Variants in SH3RF3 observed in about 807,000 individuals in gnomAD.
The protein encoded by SH3RF3 is SH3 domain containing ring finger 3, also known as E3 ubiquitin-protein ligase SH3RF3.
Under a neutral mutation model 66.3 loss-of-function variants are expected in SH3RF3, and 29 were observed. The ratio of observed to expected loss-of-function variants is 0.44; its 90% CI spans 0.33 to 0.60. SH3RF3 has a LOEUF of 0.60. Ranked by LOEUF, SH3RF3 falls within the 20% of genes least tolerant of loss-of-function variation. SH3RF3 has a pLI of 0.04. For synonymous variants in SH3RF3, 583 were observed against 532.0 expected, an observed-to-expected ratio of 1.10 and a Z score of -1.32; for missense variants, 1,194 against 1,190.9, an observed-to-expected ratio of 1.00 and a Z score of -0.04.
At chr2:109,273,314 T>C (rs1364534741) in intron 1 of SH3RF3, among the ~76,000 whole-genome samples, 3 of 152,224 alleles carry the variant, frequency 2.0e-5, no homozygotes, top group Non-Finnish European at 4.4e-5. Flanking sequence ...GGCAGAGTCT[T>C]CCTGAGCTTG....
At chr2:109,455,863 C>G (rs1163751362) in intron 8 of SH3RF3, among the ~76,000 whole-genome samples, 9 of 152,218 alleles carry the variant, frequency 5.9e-5, no homozygotes, top group African/African-American at 2.2e-4. Flanking sequence ...TGGCTGCATG[C>G]TCCCACCAAC....
Position 109,296,085 on chromosome 2 carries a change from G to A in SH3RF3, c.574-51589G>A, listed in dbSNP as rs564880645. ...TCCCTTCCCTGCCCCAGCCAGGTTG[G>A]CCCCCCAGAAGGCTGCTGGGTCCAT... On this transcript the variant is annotated intron_variant, in intron 1 of 9. Transcript: ENST00000309415. Among the ~76,000 whole-genome samples, 11 of 152,110 alleles carry A rather than the reference G, an allele frequency of 7.2e-5. No individual in the cohort carries two copies. The East Asian group carries it at 2.1e-3, about 29-fold the overall frequency.
intron 5 of SH3RF3, among the ~76,000 whole-genome samples, chr2:109,423,861 C>T (rs1676957156): frequency 6.6e-6 from 1 of 152,192 alleles, no homozygotes; most frequent in Non-Finnish European, 1.5e-5. Flanking sequence ...CCCCTGCCGC[C>T]TGCACCTCTA....
intron 2 of SH3RF3, among the ~76,000 whole-genome samples, chr2:109,350,229 T>C (rs1682810552): frequency 6.6e-6 from 1 of 152,178 alleles, no homozygotes; most frequent in Admixed American, 6.5e-5. Context: ...AAGTGGGCAA[T>C]GTCACCATGG....
chr2:109,420,686 C>G (rs1408460519), intron 5 of SH3RF3, among the ~76,000 whole-genome samples: 1 of 152,172 alleles, frequency 6.6e-6, no homozygotes, highest in East Asian at 1.9e-4. Context: ...ATCTCGTGAT[C>G]CGCCCGCCTT....
chr2:109,455,030 C>A (rs1678000670), intron 8 of SH3RF3, among the ~76,000 whole-genome samples: 1 of 152,168 alleles, frequency 6.6e-6, no homozygotes, highest in African/African-American at 2.4e-5. Flanking sequence ...ATATTAAACT[C>A]TCCATTTTCC....
chr2:109,401,449 G>T (rs1676311026), intron 4 of SH3RF3, among the ~76,000 whole-genome samples: 2 of 152,232 alleles, frequency 1.3e-5, no homozygotes, highest in South Asian at 4.1e-4. Flanking sequence ...ATCAACCAGA[G>T]GGAGGGCCCT....
chr2:109,262,991 C>A (rs1416436852), intron 1 of SH3RF3, among the ~76,000 whole-genome samples: 1 of 151,200 alleles, frequency 6.6e-6, no homozygotes, highest in Non-Finnish European at 1.5e-5. Context: ...CGCCACCACA[C>A]CTGGCTCGTT....
intron 3 of SH3RF3, among the ~76,000 whole-genome samples, chr2:109,373,120 T>TCA (rs536761394): frequency 1.0e-3 from 152 of 152,200 alleles, no homozygotes; most frequent in African/African-American, 3.3e-3. Context: ...GGCAGATAAT[T>TCA]CACACACACA....
At position 109,243,938 on chromosome 2, in the gene SH3RF3, G is replaced by A. The variant is rs534966634; in HGVS notation, c.574-103736G>A. On this transcript the variant is annotated intron_variant, in intron 1 of 9. Coordinates refer to ENST00000309415, the MANE Select transcript of SH3RF3 (RefSeq NM_001099289.3). ...AGACACCAGAAGAGCTCATGCCACC[G>A]ACATGCAGCCATGGGCACTTGGTGG... Among the ~76,000 whole-genome samples the A allele has an allele frequency of 3.9e-5, 6 of 152,304 alleles. No individual in the cohort carries two copies. The South Asian group carries it at 8.3e-4, about 21-fold the overall frequency.
At chr2:109,410,149 C>T (rs10188581) in intron 4 of SH3RF3, among the ~76,000 whole-genome samples, 19 of 152,330 alleles carry the variant, frequency 1.2e-4, no homozygotes, top group African/African-American at 3.8e-4. Context: ...TGGTTACAAC[C>T]TGGCGGTTTA....
chr2:109,226,543 G>C (rs552611888), intron 1 of SH3RF3, among the ~76,000 whole-genome samples: 5 of 152,280 alleles, frequency 3.3e-5, no homozygotes, highest in Admixed American at 3.3e-4. Context: ...TTAAAGTTTA[G>C]ATTTTTACTG....
At chr2:109,306,789 C>T (rs1218949983) in intron 1 of SH3RF3, among the ~76,000 whole-genome samples, 1 of 152,196 alleles carries the variant, frequency 6.6e-6, no homozygotes, top group East Asian at 1.9e-4. Flanking sequence ...CTACAGGGAC[C>T]TTTGATAGAC....
At chr2:109,452,656 A>C (rs1348774993) in intron 8 of SH3RF3, among the ~76,000 whole-genome samples, 2 of 152,214 alleles carry the variant, frequency 1.3e-5, no homozygotes, top group African/African-American at 2.4e-5. Context: ...AAGAAGCCCC[A>C]AAACCAGCTC....
chr2:109,351,869 C>T (rs1355856043), intron 2 of SH3RF3, among the ~76,000 whole-genome samples: 1 of 152,206 alleles, frequency 6.6e-6, no homozygotes, highest in Non-Finnish European at 1.5e-5. Flanking sequence ...TCCATGTGAC[C>T]TTCTTATGCT....
At chr2:109,287,998 G>A (rs1681072466) in intron 1 of SH3RF3, among the ~76,000 whole-genome samples, 1 of 151,614 alleles carries the variant, frequency 6.6e-6, no homozygotes, top group Admixed American at 6.6e-5. Context: ...GTGAGCCCTG[G>A]CATGGGCCAT....
chr2:109,258,886 G>A (rs909420742), intron 1 of SH3RF3, among the ~76,000 whole-genome samples: 1 of 152,210 alleles, frequency 6.6e-6, no homozygotes, highest in Admixed American at 6.5e-5. Context: ...AACACTCTGT[G>A]GTCAGGGGTT....
chr2:109,250,428 T>A (rs1438976505), intron 1 of SH3RF3, among the ~76,000 whole-genome samples: 1 of 152,050 alleles, frequency 6.6e-6, no homozygotes, highest in African/African-American at 2.4e-5. Context: ...CATGAAACAA[T>A]CATCATAATA....
At chr2:109,221,328 A>AGTCGTT (rs1396415466) in intron 1 of SH3RF3, among the ~76,000 whole-genome samples, 2 of 152,134 alleles carry the variant, frequency 1.3e-5, no homozygotes, top group African/African-American at 2.4e-5. Context: ...CACGGCTGTA[A>AGTCGTT]TCCCAGCATT....
Sources: allele counts gnomAD v4.1 joint callset (sites outside exome capture counted in the v4.1 genomes callset), GRCh38; gene constraint gnomAD v4.1.1; transcripts MANE v1.5; gene names NCBI Gene and HGNC (gene_info 2026-07-23, HGNC 2026-07-21).